Variants in TYW5 observed in about 807,000 individuals in gnomAD.
The protein encoded by TYW5 is tRNA-yW synthesizing protein 5.
A neutral mutation model predicts 44.4 loss-of-function variants in TYW5; 36 were observed. The observed-to-expected ratio is 0.81, with a 90% CI of 0.62 to 1.07. The LOEUF (loss-of-function observed/expected upper bound fraction) is 1.07. Ranked by LOEUF, TYW5 falls within the 50% of genes least tolerant of loss-of-function variation. TYW5 has a pLI of 0.00. For synonymous variants in TYW5, 121 were observed against 128.1 expected, an observed-to-expected ratio of 0.94 and a Z score of 0.37; for missense variants, 354 against 365.7, an observed-to-expected ratio of 0.97 and a Z score of 0.26.
Position 199,930,468 on chromosome 2 carries a change from CATTTA to C in TYW5, c.*2594_*2598del, listed in dbSNP as rs1410786383. 2 of 152,086 alleles carry C rather than the reference CATTTA, an allele frequency of 1.3e-5. No individual in the cohort carries two copies. Among genetic ancestry groups the C allele is most frequent in the Non-Finnish European group, 2.9e-5 (2 of 68,018 alleles). The allele number at this position is 152,086 out of a possible 1,614,324, so 9.4% of individuals were successfully genotyped here. A position where few individuals can be genotyped will look rare whatever the true frequency, so the allele number is the denominator to read the frequency against. ...AGTTTCAAATATGTTTTTCATGTAA[CATTTA>C]ATTTTTCTATTTTTAGTAGAGACGG... On this transcript the variant is annotated 3_prime_UTR_variant, in exon 8 of 8. Transcript: ENST00000354611.
chr2:199,948,682 C>A (rs1263241676), intron 1 of TYW5, among the ~76,000 whole-genome samples: 1 of 152,070 alleles, frequency 6.6e-6, no homozygotes, highest in African/African-American at 2.4e-5. Context: ...ATTAGAAAAA[C>A]AAAACAAAAC....
At chr2:199,946,098 T>C (rs1193879287) in intron 2 of TYW5, 3 of 152,190 alleles carry the variant, frequency 2.0e-5, no homozygotes, top group Non-Finnish European at 4.4e-5. Context: ...CTGGAGAAGT[T>C]ACTTAATATT....
rs907948296 is a variant in TYW5, at chr2:199,931,066, A to G, written c.*2001T>C. 1 of 152,208 alleles carries G rather than the reference A, an allele frequency of 6.6e-6. No homozygotes were observed. The highest frequency in any genetic ancestry group is 2.4e-5 in the African/African-American group (1 of 41,460). The allele number at this position is 152,208 out of a possible 1,614,324, so 9.4% of individuals were successfully genotyped here. ...TAATTATGACCAGGGAAATAATTTT[A>G]AAACATCCCAAAGGAAAGTTCTCTA... On this transcript the variant is annotated 3_prime_UTR_variant, in exon 8 of 8. Transcript: ENST00000354611.
chr2:199,931,316 CAATT>C lies in TYW5; in HGVS notation c.*1747_*1750del, dbSNP rs963348065. 8 of 152,206 alleles carry C rather than the reference CAATT, an allele frequency of 5.3e-5. No homozygotes were observed. Among genetic ancestry groups the C allele is most frequent in the South Asian group, 4.2e-4 (2 of 4,816 alleles). The allele number at this position is 152,206 out of a possible 1,614,324, so 9.4% of individuals were successfully genotyped here. On this transcript the variant is annotated 3_prime_UTR_variant, in exon 8 of 8. Coordinates refer to ENST00000354611, the MANE Select transcript of TYW5 (RefSeq NM_001039693.3). ...CCAGTTTGCTTCTCCATTAAACAAT[CAATT>C]AAGATGACTATTCAGTGCACAAACT...
intron 5 of TYW5, among the ~76,000 whole-genome samples, chr2:199,937,672 A>AAAC (rs144498946): frequency 2.0e-5 from 3 of 152,114 alleles, no homozygotes; most frequent in Middle Eastern, 3.2e-3. Context: ...CTGTCTCAAA[A>AAAC]AACAACAACA....
At chr2:199,948,278 A>C in intron 2 of TYW5, 40 bp downstream of exon 2, 1 of 1,605,354 alleles carries the variant, frequency 6.2e-7, no homozygotes, top group Non-Finnish European at 8.5e-7. Flanking sequence ...GTTTTTAAAA[A>C]GTTATTTGTA....
chr2:199,948,821 C>T (rs1031443811), intron 1 of TYW5, among the ~76,000 whole-genome samples: 8 of 152,122 alleles, frequency 5.3e-5, no homozygotes, highest in South Asian at 2.1e-4. Context: ...TTTCCGTAAA[C>T]GCTTTACCCC....
At chr2:199,953,545 T>G (rs2077564547) in intron 1 of TYW5, among the ~76,000 whole-genome samples, 1 of 152,210 alleles carries the variant, frequency 6.6e-6, no homozygotes, top group Non-Finnish European at 1.5e-5. Context: ...TTATTGATTT[T>G]TGAAATGTCA....
chr2:199,951,146 C>T (rs2077541628), intron 1 of TYW5, among the ~76,000 whole-genome samples: 1 of 152,024 alleles, frequency 6.6e-6, no homozygotes, highest in Admixed American at 6.6e-5. Flanking sequence ...ATTTTTGTGA[C>T]CAGAAATATG....
At chr2:199,941,085 G>A (rs1206869838) in intron 3 of TYW5, among the ~76,000 whole-genome samples, 2 of 152,018 alleles carry the variant, frequency 1.3e-5, no homozygotes, top group Non-Finnish European at 2.9e-5. Context: ...TTTGAGACAG[G>A]GACTCATTCT....
At position 199,932,984 on chromosome 2, in the gene TYW5, ATCTT is replaced by A. The variant is rs1248436037; in HGVS notation, c.*79_*82del. 1 of 1,473,044 alleles carries A rather than the reference ATCTT, an allele frequency of 6.8e-7. No homozygotes were observed. Among genetic ancestry groups the A allele is most frequent in the African/African-American group, 1.4e-5 (1 of 71,028 alleles). 91.2% of individuals were successfully genotyped at this position (1,473,044 alleles called of 1,614,324 possible). A position where few individuals can be genotyped will look rare whatever the true frequency, so the allele number is the denominator to read the frequency against. Reference sequence around the variant, plus strand: ...CTTACATAATCTGTAAATCTGATGTATCTTTCCTATTTTAACAAAATCTTTAATT... The same window carrying A: ...CTTACATAATCTGTAAATCTGATGTATCCTATTTTAACAAAATCTTTAATT... On this transcript the variant is annotated 3_prime_UTR_variant, in exon 8 of 8. Coordinates refer to ENST00000354611, the MANE Select transcript of TYW5 (RefSeq NM_001039693.3).
At chr2:199,939,822 CTATAAAA>C (rs1299229380) in intron 4 of TYW5, among the ~76,000 whole-genome samples, 1 of 152,018 alleles carries the variant, frequency 6.6e-6, no homozygotes, top group African/African-American at 2.4e-5. Context: ...GAGTTGCCAC[CTATAAAA>C]TATACAGTAG....
intron 1 of TYW5, among the ~76,000 whole-genome samples, chr2:199,952,504 T>C (rs2077553751): frequency 6.6e-6 from 1 of 152,248 alleles, no homozygotes; most frequent in Admixed American, 6.5e-5. Context: ...TTGCTCATTT[T>C]TCTACCAGAT....
chr2:199,954,105 CGCCT>C (rs2077572027), intron 1 of TYW5, among the ~76,000 whole-genome samples: 1 of 50,880 alleles, frequency 2.0e-5, no homozygotes, highest in African/African-American at 9.8e-5. Context: ...CCCCCAACCC[CGCCT>C]TTTTTTTTTT....
chr2:199,937,685 AATC>A (rs765908544), intron 5 of TYW5, among the ~76,000 whole-genome samples: 1 of 151,490 alleles, frequency 6.6e-6, no homozygotes, highest in Admixed American at 6.6e-5. Flanking sequence ...CAACAACAAC[AATC>A]ATCATCATCA....
At chr2:199,952,116 A>G (rs1375262698) in intron 1 of TYW5, among the ~76,000 whole-genome samples, 11 of 152,192 alleles carry the variant, frequency 7.2e-5, no homozygotes. Flanking sequence ...CTCAGTGTAA[A>G]TGGGCCATAA....
chr2:199,936,557 A>G, intron 5 of TYW5, 65 bp from the exon 6 acceptor site: 2 of 1,381,242 alleles, frequency 1.4e-6, no homozygotes, highest in Non-Finnish European at 2.0e-6. Flanking sequence ...AACCAATGGC[A>G]TGCTAAACTT....
chr2:199,934,718 G>A (rs2077405811), intron 7 of TYW5, among the ~76,000 whole-genome samples: 1 of 151,716 alleles, frequency 6.6e-6, no homozygotes. Context: ...TTTAAATATG[G>A]AACTACAACT....
At chr2:199,953,798 G>A (rs541025435) in intron 1 of TYW5, among the ~76,000 whole-genome samples, 1 of 152,290 alleles carries the variant, frequency 6.6e-6, no homozygotes, top group Non-Finnish European at 1.5e-5. Context: ...GCCAGAGAAA[G>A]TTGTTTGTAA....
Sources: allele counts gnomAD v4.1 joint callset (sites outside exome capture counted in the v4.1 genomes callset), GRCh38; gene constraint gnomAD v4.1.1; transcripts MANE v1.5; gene names NCBI Gene and HGNC (gene_info 2026-07-23, HGNC 2026-07-21).